The following PRKCZ variants were observed in gnomAD, a reference collection of about 807,000 sequenced individuals.
The protein encoded by PRKCZ is protein kinase C zeta type.
PRKCZ carries 33 observed loss-of-function variants against 79.5 expected under a neutral mutation model. The ratio of observed to expected loss-of-function variants is 0.41; its 90% confidence interval spans 0.31 to 0.55. The LOEUF is 0.55. Ranked by LOEUF, PRKCZ falls within the 20% of genes least tolerant of loss-of-function variation. The pLI, the probability that PRKCZ is intolerant of heterozygous loss-of-function variation, is 0.19. For missense variants in PRKCZ, 578 were observed against 813.5 expected (o/e 0.71, Z 3.52); for synonymous variants, 342 against 320.9 (o/e 1.07, Z -0.70).
intron 3 of PRKCZ, among the ~76,000 whole-genome samples, 156 bp downstream of exon 3, chr1:2,056,729 C>CTTT (rs1213314980): frequency 2.2e-5 from 3 of 136,780 alleles, no homozygotes; most frequent in African/African-American, 8.2e-5. Context: ...TTTTCTTTGA[C>CTTT]TTTTTTTTTT....
Position 2,146,114 on chromosome 1 carries a change from C to G in PRKCZ, c.634+6C>G. On this transcript the variant is annotated splice_donor_region_variant and intron_variant, in intron 7 of 17. Coordinates refer to ENST00000378567, the MANE Select transcript of PRKCZ (RefSeq NM_002744.6). ...TTCCGAGGAGACAGATGGAAGTAGG[C>G]GCTGCTTTCTTCCGGCCGGGTAGAG... is the stretch of plus-strand genomic sequence containing the variant. The G allele has an allele frequency of 1.9e-6, 3 of 1,612,326 alleles. No homozygotes were observed. The highest frequency in any genetic ancestry group is 2.5e-6 in the Non-Finnish European group (3 of 1,178,396).
rs556109148 is a variant in PRKCZ at position 2,079,648 on chromosome 1, C to T, written c.334+20057C>T. Among the ~76,000 whole-genome samples, 23 of 152,372 alleles carry T rather than the reference C, an allele frequency of 1.5e-4. No homozygotes were observed. The East Asian group carries it at 4.4e-3, about 29-fold the overall frequency. On this transcript the variant is annotated intron_variant, in intron 4 of 17. Coordinates refer to ENST00000378567, the MANE Select transcript of PRKCZ (RefSeq NM_002744.6). The stretch of plus-strand genomic sequence containing the variant: ...CTAAGCCACAACGCTGGCCCCGCGG[C>T]TGCTGCTGATGGCGGCACATGGTGG...
intron 4 of PRKCZ, among the ~76,000 whole-genome samples, chr1:2,102,624 G>GCA (rs1667688803): frequency 6.6e-6 from 1 of 152,292 alleles, no homozygotes; most frequent in East Asian, 1.9e-4. Context: ...GAGCCACCGT[G>GCA]CCCGGCCCTC....
chr1:2,130,090 G>A (rs1674664698), intron 4 of PRKCZ, among the ~76,000 whole-genome samples: 1 of 152,030 alleles, frequency 6.6e-6, no homozygotes, highest in South Asian at 2.1e-4. Context: ...TTTTTTTATA[G>A]AGACGGGGTC....
chr1:2,099,681 CG>C (rs1037959131), intron 4 of PRKCZ, among the ~76,000 whole-genome samples: 2 of 152,108 alleles, frequency 1.3e-5, no homozygotes, highest in African/African-American at 4.8e-5. Context: ...GCTCACTGGA[CG>C]GGGCAGCGTG....
At chr1:2,085,599 C>A (rs1166086985) in intron 4 of PRKCZ, among the ~76,000 whole-genome samples, 1 of 152,166 alleles carries the variant, frequency 6.6e-6, no homozygotes, top group East Asian at 1.9e-4. Context: ...TATGGGGGGC[C>A]CTGTTCTCAG....
At chr1:2,116,014 T>C (rs1013929145) in intron 4 of PRKCZ, among the ~76,000 whole-genome samples, 2 of 152,308 alleles carry the variant, frequency 1.3e-5, no homozygotes, top group African/African-American at 4.8e-5. Flanking sequence ...CCGCTAGGCA[T>C]TCCTTGGTCC....
intron 4 of PRKCZ, among the ~76,000 whole-genome samples, chr1:2,099,848 G>C (rs1317536248): frequency 6.6e-6 from 1 of 152,200 alleles, no homozygotes; most frequent in Non-Finnish European, 1.5e-5. Flanking sequence ...CAGATCACTC[G>C]CAAGGAATGG....
chr1:2,074,516 G>T (rs961948485), intron 4 of PRKCZ, among the ~76,000 whole-genome samples: 3 of 152,184 alleles, frequency 2.0e-5, no homozygotes, highest in African/African-American at 7.2e-5. Flanking sequence ...ATGAGACCAC[G>T]GGTGAAGTCT....
intron 4 of PRKCZ, among the ~76,000 whole-genome samples, chr1:2,077,211 C>T (rs1451632424): frequency 6.6e-6 from 1 of 152,216 alleles, no homozygotes; most frequent in Non-Finnish European, 1.5e-5. Context: ...TTTACACGCG[C>T]TCTGGTGGGT....
At chr1:2,065,565 G>C (rs1475028822) in intron 4 of PRKCZ, among the ~76,000 whole-genome samples, 1 of 151,908 alleles carries the variant, frequency 6.6e-6, no homozygotes, top group African/African-American at 2.4e-5. Context: ...TGTAGTCCCA[G>C]CTACTCGGGA....
At chr1:2,176,901 G>A (rs759154641) in intron 16 of PRKCZ, among the ~76,000 whole-genome samples, 4 of 152,216 alleles carry the variant, frequency 2.6e-5, no homozygotes, top group Non-Finnish European at 5.9e-5. Flanking sequence ...AAACTAGGAC[G>A]GGGCCATTCT....
At chr1:2,154,336 AAGATG>A (rs1680514568) in intron 9 of PRKCZ, among the ~76,000 whole-genome samples, 1 of 152,124 alleles carries the variant, frequency 6.6e-6, no homozygotes, top group Admixed American at 6.5e-5. Flanking sequence ...TCGGCGTGGA[AAGATG>A]AGACTCGAAG....
At chr1:2,138,001 G>A (rs1001870683) in intron 5 of PRKCZ, among the ~76,000 whole-genome samples, 4 of 152,144 alleles carry the variant, frequency 2.6e-5, no homozygotes, top group Non-Finnish European at 5.9e-5. Context: ...TCCGATTCCC[G>A]CCTAATTGTG....
At chr1:2,138,401 G>A (rs1676656350) in intron 5 of PRKCZ, among the ~76,000 whole-genome samples, 1 of 152,136 alleles carries the variant, frequency 6.6e-6, no homozygotes, top group Non-Finnish European at 1.5e-5. Context: ...AGGTGAGGAG[G>A]GGCTGCCTCC....
At chr1:2,080,734 CT>C (rs1663343110) in intron 4 of PRKCZ, among the ~76,000 whole-genome samples, 1 of 152,188 alleles carries the variant, frequency 6.6e-6, no homozygotes. Flanking sequence ...CTCCTGCCCC[CT>C]TTCTGTCCCA....
At chr1:2,097,473 C>G (rs1666721807) in intron 4 of PRKCZ, among the ~76,000 whole-genome samples, 1 of 152,230 alleles carries the variant, frequency 6.6e-6, no homozygotes, top group African/African-American at 2.4e-5. Context: ...GGCGATCAAC[C>G]TGAAGGCATT....
In PRKCZ at chr1:2,173,851, C is replaced by T. The variant is rs200793443; in HGVS notation, c.1286-46C>T. The T allele has an allele frequency of 9.3e-5, 143 of 1,534,426 alleles. No homozygotes were observed. The highest frequency in any genetic ancestry group is 1.2e-4 in the East Asian group (5 of 40,406). On this transcript the variant is annotated intron_variant, in intron 13 of 17. Coordinates refer to ENST00000378567, the MANE Select transcript of PRKCZ (RefSeq NM_002744.6). The surrounding 1 kb of genome is among the most constrained non-coding windows in gnomAD (Gnocchi z 5.7). ...ACGCCAGCCAGGTTCGTCCTGCTGC[C>T]GGCCCATGTGGCCCCACTCGGTGAT...
intron 2 of PRKCZ, among the ~76,000 whole-genome samples, chr1:2,056,027 C>G (rs1328883162): frequency 6.6e-6 from 1 of 152,240 alleles, no homozygotes; most frequent in Non-Finnish European, 1.5e-5. Flanking sequence ...CCCTTTCTCC[C>G]AGGGACTGGC....
Sources: allele counts gnomAD v4.1 joint callset (sites outside exome capture counted in the v4.1 genomes callset), GRCh38; gene constraint gnomAD v4.1.1; non-coding constraint Gnocchi (gnomAD v3.1); transcripts MANE v1.5; gene names NCBI Gene and HGNC (gene_info 2026-07-23, HGNC 2026-07-21).